SYN3: variants seen among roughly 807,000 people sequenced by gnomAD.
SYN3 encodes synapsin III, also known as synapsin-3.
A neutral mutation model predicts 65.8 loss-of-function variants in SYN3; 35 were observed. That is an observed-to-expected ratio of 0.53 (90% CI 0.41 to 0.70). SYN3 has a LOEUF of 0.70. Ranked by LOEUF, SYN3 falls within the 30% of genes least tolerant of loss-of-function variation. SYN3 has a pLI of 0.00. For missense variants in SYN3, 680 were observed against 749.0 expected, an observed-to-expected ratio of 0.91 and a Z score of 1.08; for synonymous variants, 270 against 292.9, an observed-to-expected ratio of 0.92 and a Z score of 0.80.
chr22:32,877,066 C>A lies in SYN3; in HGVS notation c.462-7941G>T, dbSNP rs56279649. On this transcript the variant is annotated intron_variant, in intron 4 of 13. Coordinates refer to ENST00000358763, the MANE Select transcript of SYN3 (RefSeq NM_003490.4). ...TCCCCTTCCTCTGTCCATTGCTATG[C>A]CTGATGGACAAGGCAGTCTGTGCCC... is the stretch of plus-strand genomic sequence containing the variant. 5.2e-3 allele frequency among the ~76,000 whole-genome samples: 792 copies of A among 152,306 alleles called. 5 individuals are homozygous for A. Among genetic ancestry groups the A allele is most frequent in the Middle Eastern group, 0.017 (5 of 294 alleles).
At chr22:32,532,073 C>G (rs2058083216) in intron 10 of SYN3, among the ~76,000 whole-genome samples, 1 of 152,170 alleles carries the variant, frequency 6.6e-6, no homozygotes, top group Admixed American at 6.5e-5. Context: ...ACTGCTGGTG[C>G]AAGGGAGGAG....
At chr22:32,599,519 C>T (rs1241003646) in intron 6 of SYN3, among the ~76,000 whole-genome samples, 1 of 151,980 alleles carries the variant, frequency 6.6e-6, no homozygotes, top group East Asian at 1.9e-4. Flanking sequence ...GATGGGGTTT[C>T]ACTGTGTTAG....
chr22:33,029,885 T>C (rs2053718567), intron 1 of SYN3, among the ~76,000 whole-genome samples: 1 of 152,180 alleles, frequency 6.6e-6, no homozygotes, highest in Non-Finnish European at 1.5e-5. Context: ...GAGGCACTTA[T>C]AGCTCCATTC....
intron 6 of SYN3, among the ~76,000 whole-genome samples, chr22:32,634,525 C>T (rs1206293686): frequency 1.3e-5 from 2 of 152,184 alleles, no homozygotes; most frequent in African/African-American, 2.4e-5. Flanking sequence ...GCATATCTGA[C>T]CAGGGCACTC....
intron 6 of SYN3, among the ~76,000 whole-genome samples, chr22:32,751,540 G>A (rs5754249): frequency 0.52 from 79,530 of 151,994 alleles, 20,995 homozygotes; most frequent in Non-Finnish European, 0.55. Context: ...TGTCAGTCGC[G>A]TACAGGCCTC....
chr22:32,897,748 T>C (rs981624244), intron 4 of SYN3, among the ~76,000 whole-genome samples: 3 of 152,222 alleles, frequency 2.0e-5, no homozygotes, highest in Non-Finnish European at 4.4e-5. Context: ...AAAAAATGCC[T>C]GGCATGTAGT....
chr22:32,572,921 G>C (rs1003048613), intron 7 of SYN3, among the ~76,000 whole-genome samples: 1 of 152,156 alleles, frequency 6.6e-6, no homozygotes, highest in Non-Finnish European at 1.5e-5. Flanking sequence ...GCATTCGAGG[G>C]GGCTCGACTC....
intron 7 of SYN3, among the ~76,000 whole-genome samples, chr22:32,573,720 A>G (rs990212662): frequency 6.6e-6 from 1 of 151,328 alleles, no homozygotes; most frequent in Non-Finnish European, 1.5e-5. Flanking sequence ...TGGTGGTACA[A>G]CTGGAAAGGA....
At chr22:33,009,002 A>G (rs1340089053) in intron 1 of SYN3, among the ~76,000 whole-genome samples, 13 of 150,218 alleles carry the variant, frequency 8.7e-5, no homozygotes, top group Admixed American at 8.0e-4. Flanking sequence ...GAAAAAGAAA[A>G]TCGGAAATGT....
At chr22:32,566,230 T>C (rs1265236450) in intron 7 of SYN3, among the ~76,000 whole-genome samples, 1 of 152,242 alleles carries the variant, frequency 6.6e-6, no homozygotes, top group Non-Finnish European at 1.5e-5. Flanking sequence ...TTTTATGTTC[T>C]CTTTTTTGTA....
chr22:33,006,270 CCTT>C (rs1569398609), intron 2 of SYN3, 79 bp downstream of exon 2: 1 of 1,452,064 alleles, frequency 6.9e-7, no homozygotes, highest in African/African-American at 1.4e-5. Context: ...ATAGCTCTCC[CCTT>C]CTATTTCCCC....
At chr22:32,869,621 G>A (rs143277232) in intron 4 of SYN3, among the ~76,000 whole-genome samples, 2 of 151,470 alleles carry the variant, frequency 1.3e-5, no homozygotes, top group African/African-American at 4.8e-5. Flanking sequence ...AGGCAGCAGG[G>A]CCAGGTCTGT....
Position 32,825,657 on chromosome 22 carries a change from C to CAAAAAA in SYN3, c.711+39252_711+39257dup, listed in dbSNP as rs130292. 2.1e-4 allele frequency among the ~76,000 whole-genome samples: 6 copies of CAAAAAA among 28,594 alleles called. 1 individual carries two copies. Among genetic ancestry groups the CAAAAAA allele is most frequent in the African/African-American group, 3.9e-4 (3 of 7,776 alleles). 18.8% of individuals were successfully genotyped at this position (28,594 alleles called of 152,430 possible). ...TGGGCGACAGAGCGAGTTTCCATCT[C>CAAAAAA]AAAAAAAAAAAAAAAAAAAAAAAAA... On this transcript the variant is annotated intron_variant, in intron 6 of 13. Transcript: ENST00000358763.
chr22:32,596,501 A>G (rs550341095), intron 7 of SYN3, among the ~76,000 whole-genome samples, 173 bp downstream of exon 7: 1 of 152,182 alleles, frequency 6.6e-6, no homozygotes, highest in Admixed American at 6.5e-5. Context: ...GTGCACCAGG[A>G]GCTCTGAGGA....
intron 4 of SYN3, among the ~76,000 whole-genome samples, chr22:32,915,168 T>G (rs1248833308): frequency 2.0e-5 from 3 of 152,190 alleles, no homozygotes; most frequent in Non-Finnish European, 4.4e-5. Context: ...AAATACCTAA[T>G]GTAGATGATG....
chr22:32,779,779 T>C (rs754579508), intron 6 of SYN3, among the ~76,000 whole-genome samples: 1 of 152,118 alleles, frequency 6.6e-6, no homozygotes, highest in Non-Finnish European at 1.5e-5. Context: ...TGCAGGTTAC[T>C]ACCGTGATGT....
At chr22:32,648,216 C>T (rs374823529) in intron 6 of SYN3, among the ~76,000 whole-genome samples, 4 of 152,140 alleles carry the variant, frequency 2.6e-5, no homozygotes, top group African/African-American at 7.2e-5. Context: ...GCTCTTTCAA[C>T]ACCTCCCCAA....
Position 32,927,216 on chromosome 22 carries a change from A to G in SYN3, c.461+4174T>C, listed in dbSNP as rs551119607. On this transcript the variant is annotated intron_variant, in intron 4 of 13. Coordinates refer to ENST00000358763, the MANE Select transcript of SYN3 (RefSeq NM_003490.4). The stretch of plus-strand genomic sequence containing the variant: ...CAACCATTTACTTTGTGTTATTTAC[A>G]ACACCTGTTCTGTGTTGGTTTTTAA... Among the ~76,000 whole-genome samples, 17 of 152,232 alleles carry G rather than the reference A, an allele frequency of 1.1e-4. 1 individual carries two copies. In the South Asian group the frequency reaches 2.9e-3, roughly 26 times the overall value.
At chr22:32,569,088 G>C (rs1265377908) in intron 7 of SYN3, among the ~76,000 whole-genome samples, 2 of 152,072 alleles carry the variant, frequency 1.3e-5, no homozygotes, top group Non-Finnish European at 2.9e-5. Context: ...CCTAGCTTAG[G>C]GACTTACAAA....
Sources: allele counts gnomAD v4.1 joint callset (sites outside exome capture counted in the v4.1 genomes callset), GRCh38; gene constraint gnomAD v4.1.1; transcripts MANE v1.5; gene names NCBI Gene and HGNC (gene_info 2026-07-23, HGNC 2026-07-21).